The following ASAH1 variants were observed in gnomAD, a reference collection of about 807,000 sequenced individuals.
ASAH1 encodes the protein N-acylsphingosine amidohydrolase 1.
A neutral mutation model predicts 59.5 loss-of-function variants in ASAH1; 70 were observed. That is an observed-to-expected ratio of 1.18 (90% confidence interval 0.97 to 1.43). ASAH1 has a LOEUF of 1.43. Among genes scored for constraint, ASAH1 ranks in the 40% most tolerant of loss-of-function variants. The probability of loss-of-function intolerance (pLI) is 0.00; values close to 1 mark genes in which losing one functional copy is unlikely to be tolerated. For synonymous variants in ASAH1, 213 were observed against 166.5 expected (o/e 1.28, Z -2.15); for missense variants, 660 against 482.5 (o/e 1.37, Z -3.45).
rs539946039 is a variant in ASAH1, at chr8:18,057,432, G to T, written c.*102C>A. 11 of 852,822 alleles carry T rather than the reference G, an allele frequency of 1.3e-5. No homozygotes were observed. The African/African-American group carries it at 1.7e-4, about 13-fold the overall frequency. The allele number at this position is 852,822 out of a possible 1,614,324, so 52.8% of individuals were successfully genotyped here. A position where few individuals can be genotyped will look rare whatever the true frequency, so the allele number is the denominator to read the frequency against. ...GCTATTGACTCAAAGAGAACCTGCC[G>T]CGAGTCTTAGTCTTTGGAAGGTCAG... is the stretch of plus-strand genomic sequence containing the variant. On this transcript the variant is annotated 3_prime_UTR_variant, in exon 14 of 14. Coordinates refer to ENST00000637790, the MANE Select transcript of ASAH1 (RefSeq NM_177924.5).
Position 18,057,640 on chromosome 8 carries a change from T to G in ASAH1, c.1099-17A>C, listed in dbSNP as rs775704760. The G allele has an allele frequency of 1.9e-5, 30 of 1,569,916 alleles. No homozygotes were observed. Among genetic ancestry groups the G allele is most frequent in the Non-Finnish European group, 2.3e-5 (26 of 1,148,306 alleles). ...TACGGTCAGCTGAAAGAAAAGTTAT[T>G]TTTACTTTAAGGACGTTTTCAATTC... On this transcript the variant is annotated splice_polypyrimidine_tract_variant and intron_variant, in intron 13 of 13. Coordinates refer to ENST00000637790, the MANE Select transcript of ASAH1 (RefSeq NM_177924.5).
intron 6 of ASAH1, 105 bp downstream of exon 6, chr8:18,064,352 A>C: frequency 3.3e-6 from 3 of 897,118 alleles, no homozygotes. Context: ...CAACATACAC[A>C]GAATTTACAT....
In ASAH1 at chr8:18,056,077, T is replaced by C. The variant is rs142194746; in HGVS notation, c.*1457A>G. On this transcript the variant is annotated 3_prime_UTR_variant, in exon 14 of 14. Transcript: ENST00000637790. ...CATCAAGTTGACCTGACTTCATTTATGTAAGAGGTAGAAAATCTGAGTAAA... is the reference window on the plus strand; with the variant it reads ...CATCAAGTTGACCTGACTTCATTTACGTAAGAGGTAGAAAATCTGAGTAAA... 9.2e-5 allele frequency: 14 copies of C among 152,362 alleles called. No homozygotes were observed. The highest frequency in any genetic ancestry group is 8.5e-4 in the Admixed American group (13 of 15,306). 9.4% of individuals were successfully genotyped at this position (152,362 alleles called of 1,614,324 possible). A position where few individuals can be genotyped will look rare whatever the true frequency, so the allele number is the denominator to read the frequency against.
intron 2 of ASAH1, among the ~76,000 whole-genome samples, chr8:18,074,614 C>G (rs1800313888): frequency 6.6e-6 from 1 of 152,168 alleles, no homozygotes; most frequent in African/African-American, 2.4e-5. Flanking sequence ...TATACCTGTT[C>G]CTTCTTTTCT....
rs755164095 is a variant in ASAH1 at position 18,061,471 on chromosome 8, AAC to A, written c.704-15_704-14del. On this transcript the variant is annotated splice_polypyrimidine_tract_variant and intron_variant, in intron 9 of 13. Transcript: ENST00000637790. Reference sequence around the variant, plus strand: ...CATTCTAGAATACCTGGAAGAGATGAACACAATGTCAGGAACCGGAAGAGGTG... The same window carrying A: ...CATTCTAGAATACCTGGAAGAGATGAACAATGTCAGGAACCGGAAGAGGTG... 4.4e-6 allele frequency: 7 copies of A among 1,604,630 alleles called. No individual in the cohort carries two copies. In the South Asian group the frequency reaches 7.7e-5, roughly 18 times the overall value.
rs531206213 is a variant in ASAH1 at position 18,075,755 on chromosome 8, A to G, written c.79-168T>C. ...CTTTTCTTTCCAAGAAAACTTCTAA[A>G]ATCCTAAACCATTAAGTGGATTTTC... On this transcript the variant is annotated intron_variant, in intron 1 of 13. Coordinates refer to ENST00000637790, the MANE Select transcript of ASAH1 (RefSeq NM_177924.5). The G allele has an allele frequency of 1.1e-5, 7 of 644,352 alleles. No homozygotes were observed. In the East Asian group the frequency reaches 1.9e-4, roughly 18 times the overall value. The allele number at this position is 644,352 out of a possible 1,614,324, so 39.9% of individuals were successfully genotyped here. A position where few individuals can be genotyped will look rare whatever the true frequency, so the allele number is the denominator to read the frequency against.
At chr8:18,064,436 C>CGGGGG in intron 6 of ASAH1, 21 bp downstream of exon 6, 36 of 1,347,940 alleles carry the variant, frequency 2.7e-5, no homozygotes, top group Non-Finnish European at 3.6e-5. Context: ...TGCTGCCCAC[C>CGGGGG]CTCCCTCAGC....
chr8:18,062,125 G>T, intron 8 of ASAH1, 154 bp downstream of exon 8: 1 of 993,608 alleles, frequency 1.0e-6, no homozygotes, highest in Non-Finnish European at 1.5e-6. Context: ...TCTCTACCAC[G>T]AGATCTCATA....
chr8:18,061,361 C>A lies in ASAH1; in HGVS notation c.785+16G>T. On this transcript the variant is annotated intron_variant, in intron 10 of 13. Coordinates refer to ENST00000637790, the MANE Select transcript of ASAH1 (RefSeq NM_177924.5). ...TTAAAATAAATATTTAATAGTAAAG[C>A]AACGAAACACTTTACCTTGTGCTAT... The A allele has an allele frequency of 6.3e-7, 1 of 1,589,336 alleles. No individual in the cohort carries two copies. The highest frequency in any genetic ancestry group is 8.6e-7 in the Non-Finnish European group (1 of 1,157,934).
chr8:18,058,701 T>C (rs930027919), intron 13 of ASAH1, 134 bp downstream of exon 13: 7 of 794,524 alleles, frequency 8.8e-6, no homozygotes, highest in Non-Finnish European at 1.5e-5. Flanking sequence ...CACAAAAACA[T>C]TTTTTAATAA....
chr8:18,060,798 A>C (rs1799662208), intron 10 of ASAH1: 1 of 153,918 alleles, frequency 6.5e-6, no homozygotes, highest in Non-Finnish European at 1.4e-5. Context: ...CTCAGGGTGA[A>C]GTGCAGTGGA....
intron 1 of ASAH1, among the ~76,000 whole-genome samples, chr8:18,078,928 C>A (rs531585224): frequency 6.6e-6 from 1 of 152,016 alleles, no homozygotes; most frequent in Non-Finnish European, 1.5e-5. Flanking sequence ...CCCTGCCCCT[C>A]AGTGGTCTCC....
intron 1 of ASAH1, among the ~76,000 whole-genome samples, chr8:18,081,356 A>G (rs1800645490): frequency 6.6e-6 from 1 of 152,034 alleles, no homozygotes; most frequent in African/African-American, 2.4e-5. Context: ...TAGTCTCCTC[A>G]TATCTACCCT....
chr8:18,064,324 G>A, intron 6 of ASAH1, 133 bp downstream of exon 6: 1 of 737,712 alleles, frequency 1.4e-6, no homozygotes, highest in Non-Finnish European at 2.3e-6. Context: ...ATTTTACCAA[G>A]AAATAAAAAG....
rs757302859 is a variant in ASAH1 at position 18,084,054 on chromosome 8, G to C, written c.5C>G (p.Pro2Arg). The C allele has an allele frequency of 1.9e-6, 3 of 1,598,704 alleles. No homozygotes were observed. The highest frequency in any genetic ancestry group is 2.2e-5 in the East Asian group (1 of 44,842). Residue 2 changes from proline (P) to arginine (R), a missense_variant, in exon 1 of 14, where the codon CCG (proline) becomes CGG (arginine). Physicochemically the swap from Pro to Arg is moderately radical, Grantham distance 103 (BLOSUM62 -2). Coordinates refer to ENST00000637790, the MANE Select transcript of ASAH1 (RefSeq NM_177924.5). M[P>R]GRSCVALVLL... The stretch of plus-strand genomic sequence containing the variant: ...GACTAAGGCGACGCAACTCCGGCCC[G>C]GCATCGCTCTAGCAGCCAACGCCAC...
At chr8:18,059,786 A>G in intron 10 of ASAH1, 83 bp from the exon 11 acceptor site, 1 of 1,378,196 alleles carries the variant, frequency 7.3e-7, no homozygotes, top group Non-Finnish European at 9.9e-7. Flanking sequence ...ATTTTACTTT[A>G]AGTTCTGGGA....
chr8:18,077,564 T>C (rs748188711), intron 1 of ASAH1, among the ~76,000 whole-genome samples: 9 of 152,336 alleles, frequency 5.9e-5, no homozygotes, highest in African/African-American at 1.2e-4. Context: ...TATCGGTATG[T>C]TGACAGTCAA....
At chr8:18,079,264 C>G (rs1342069069) in intron 1 of ASAH1, among the ~76,000 whole-genome samples, 1 of 134,974 alleles carries the variant, frequency 7.4e-6, no homozygotes, top group East Asian at 2.2e-4. Flanking sequence ...CAGAGCAAGA[C>G]TCCATCTCAG....
rs1383150706 is a variant in ASAH1 at position 18,069,894 on chromosome 8, A to C, written c.217-16T>G. Reference sequence around the variant, plus strand: ...TAACCTTTAGCTGAAAAATAAATAAAATGCTTACTAAAAGACATAATGAAA... The same window carrying C: ...TAACCTTTAGCTGAAAAATAAATAACATGCTTACTAAAAGACATAATGAAA... On this transcript the variant is annotated splice_polypyrimidine_tract_variant and intron_variant, in intron 3 of 13. Transcript: ENST00000637790. 1 of 1,522,346 alleles carries C rather than the reference A, an allele frequency of 6.6e-7. No homozygotes were observed. Among genetic ancestry groups the C allele is most frequent in the East Asian group, 2.3e-5 (1 of 44,386 alleles). 94.3% of individuals were successfully genotyped at this position (1,522,346 alleles called of 1,614,324 possible). A position where few individuals can be genotyped will look rare whatever the true frequency, so the allele number is the denominator to read the frequency against.
Sources: allele counts gnomAD v4.1 joint callset (sites outside exome capture counted in the v4.1 genomes callset), GRCh38; gene constraint gnomAD v4.1.1; transcripts MANE v1.5; gene names NCBI Gene and HGNC (gene_info 2026-07-23, HGNC 2026-07-21).